The following BCAS3 variants were observed in gnomAD, a reference collection of about 807,000 sequenced individuals.
BCAS3 encodes BCAS4/BCAS3 fusion.
Under a neutral mutation model 116.1 loss-of-function variants are expected in BCAS3, and 53 were observed. The observed-to-expected ratio is 0.46, with a 90% CI of 0.37 to 0.57. BCAS3 has a LOEUF of 0.57. Ranked by LOEUF, BCAS3 falls within the 20% of genes least tolerant of loss-of-function variation. The pLI, the probability that BCAS3 is intolerant of heterozygous loss-of-function variation, is 0.00. For missense variants in BCAS3, 917 were observed against 1,165.4 expected (o/e 0.79, Z 3.10); for synonymous variants, 391 against 408.2 (o/e 0.96, Z 0.51).
At chr17:60,869,348 C>T (rs1229040163) in intron 8 of BCAS3, among the ~76,000 whole-genome samples, 1 of 152,078 alleles carries the variant, frequency 6.6e-6, no homozygotes, top group Admixed American at 6.6e-5. Context: ...AAACTGAAGC[C>T]CTGGGATGGT....
chr17:61,283,080 GT>G (rs200888840), intron 22 of BCAS3, among the ~76,000 whole-genome samples: 1 of 151,272 alleles, frequency 6.6e-6, no homozygotes, highest in South Asian at 2.1e-4. Context: ...AAGTTGTGTT[GT>G]TTTTTTTGCT....
intron 14 of BCAS3, among the ~76,000 whole-genome samples, chr17:60,988,360 T>TTTTTTTTTTG (rs1555651709): frequency 1.6e-4 from 22 of 134,780 alleles, no homozygotes; most frequent in African/African-American, 6.4e-4. Flanking sequence ...TTTTTTTTTT[T>TTTTTTTTTTG]ATGTATGTGT....
In BCAS3 at chr17:61,156,908, A is replaced by C. The variant is rs949349079; in HGVS notation, c.2425+72344A>C. Reference sequence around the variant, plus strand: ...AATATTTGCAATTATTTTTCCTTTGAAACAACACTTAAAAAAAACAAATTC... The same window carrying C: ...AATATTTGCAATTATTTTTCCTTTGCAACAACACTTAAAAAAAACAAATTC... On this transcript the variant is annotated intron_variant, in intron 22 of 23. Transcript: ENST00000407086. The surrounding 1 kb of genome is among the most constrained non-coding windows in gnomAD (Gnocchi z 4.7). Among the ~76,000 whole-genome samples the C allele has an allele frequency of 6.6e-6, 1 of 152,156 alleles. No individual in the cohort carries two copies. The highest frequency in any genetic ancestry group is 1.9e-4 in the East Asian group (1 of 5,200).
In BCAS3 at chr17:61,032,016, A is replaced by G. The variant is rs1474200206; in HGVS notation, c.1638-2650A>G. Among the ~76,000 whole-genome samples the G allele has an allele frequency of 6.6e-6, 1 of 152,136 alleles. No individual in the cohort carries two copies. The highest frequency in any genetic ancestry group is 1.5e-5 in the Non-Finnish European group (1 of 67,988). ...TTTTAGCTTTTGACATGAGCTGATTAGACTCTAAACTAGTAAACATACAAA... is the reference window on the plus strand; with the variant it reads ...TTTTAGCTTTTGACATGAGCTGATTGGACTCTAAACTAGTAAACATACAAA... On this transcript the variant is annotated intron_variant, in intron 16 of 23. Coordinates refer to ENST00000407086, the MANE Select transcript of BCAS3 (RefSeq NM_017679.5). This position sits in a 1 kb window ranked among gnomAD's most constrained non-coding sequence, Gnocchi z 4.6.
chr17:60,921,895 A>T (rs1368392833), intron 12 of BCAS3, among the ~76,000 whole-genome samples: 1 of 152,108 alleles, frequency 6.6e-6, no homozygotes. Flanking sequence ...AAGAAGTATT[A>T]CTGGAGTAAA....
intron 13 of BCAS3, among the ~76,000 whole-genome samples, chr17:60,926,129 A>C: frequency 6.6e-6 from 1 of 152,188 alleles, no homozygotes; most frequent in Non-Finnish European, 1.5e-5. Flanking sequence ...TTTGCATTAT[A>C]AGAAGAACAT....
intron 23 of BCAS3, among the ~76,000 whole-genome samples, chr17:61,386,817 A>C (rs1324487627): frequency 7.8e-6 from 1 of 127,912 alleles, no homozygotes; most frequent in East Asian, 2.4e-4. Flanking sequence ...TTTTTTTGAG[A>C]TGCCAGGCTG....
intron 22 of BCAS3, among the ~76,000 whole-genome samples, chr17:61,319,417 A>T (rs1414054593): frequency 6.6e-6 from 1 of 152,244 alleles, no homozygotes; most frequent in Non-Finnish European, 1.5e-5. Flanking sequence ...TGGGATTAGT[A>T]TGAGGAATAA....
chr17:61,236,743 G>C (rs2083092146), intron 22 of BCAS3, among the ~76,000 whole-genome samples: 1 of 152,000 alleles, frequency 6.6e-6, no homozygotes, highest in African/African-American at 2.4e-5. Context: ...AATGTTGTAA[G>C]TGGAGGGATG....
chr17:61,317,945 A>G (rs1199124104), intron 22 of BCAS3, among the ~76,000 whole-genome samples: 1 of 148,350 alleles, frequency 6.7e-6, no homozygotes, highest in Non-Finnish European at 1.5e-5. Flanking sequence ...GTGGGGGTCC[A>G]GGCAGAGCCT....
intron 22 of BCAS3, among the ~76,000 whole-genome samples, chr17:61,266,956 G>T (rs1372508325): frequency 1.3e-5 from 2 of 152,172 alleles, no homozygotes; most frequent in Non-Finnish European, 2.9e-5. Flanking sequence ...AGTCAAAAGG[G>T]TACCCTCCAT....
intron 7 of BCAS3, among the ~76,000 whole-genome samples, chr17:60,834,716 TG>T (rs753420633): frequency 5.3e-5 from 8 of 151,966 alleles, no homozygotes; most frequent in Non-Finnish European, 8.8e-5. Context: ...AAGTACCCCA[TG>T]TTTTTTTGTT....
chr17:61,061,465 G>A (rs2070026755), intron 19 of BCAS3, among the ~76,000 whole-genome samples: 2 of 152,196 alleles, frequency 1.3e-5, no homozygotes, highest in Non-Finnish European at 2.9e-5. Flanking sequence ...TAGAGCCTTT[G>A]CTATTCAACT....
In BCAS3 at chr17:61,104,016, A is replaced by G. The variant is rs543105227; in HGVS notation, c.2425+19452A>G. ...TAGTGGTTTTAGCTCTTGTTGACCC[A>G]TCTTTAAACCAAAGCTTTATAGCCT... is the stretch of plus-strand genomic sequence containing the variant. On this transcript the variant is annotated intron_variant, in intron 22 of 23. Coordinates refer to ENST00000407086, the MANE Select transcript of BCAS3 (RefSeq NM_017679.5). This position sits in a 1 kb window ranked among gnomAD's most constrained non-coding sequence, Gnocchi z 4.1. 2.0e-5 allele frequency among the ~76,000 whole-genome samples: 3 copies of G among 152,350 alleles called. No individual in the cohort carries two copies. The highest frequency in any genetic ancestry group is 3.9e-4 in the East Asian group (2 of 5,182).
At position 61,376,461 on chromosome 17, in the gene BCAS3, T is replaced by C. The variant is rs1282806720; in HGVS notation, c.2593+7967T>C. 2.0e-5 allele frequency among the ~76,000 whole-genome samples: 3 copies of C among 152,174 alleles called. No homozygotes were observed. The highest frequency in any genetic ancestry group is 7.2e-5 in the African/African-American group (3 of 41,436). On this transcript the variant is annotated intron_variant, in intron 23 of 23. Coordinates refer to ENST00000407086, the MANE Select transcript of BCAS3 (RefSeq NM_017679.5). The surrounding 1 kb of genome is among the most constrained non-coding windows in gnomAD (Gnocchi z 4.5). ...AGCCACTCTATCAGGCAAACTGGTA[T>C]TTACCCCAGATACCCAGGAAGGGTT...
chr17:60,996,315 A>G (rs1256880879), intron 15 of BCAS3, among the ~76,000 whole-genome samples: 1 of 152,174 alleles, frequency 6.6e-6, no homozygotes, highest in Non-Finnish European at 1.5e-5. Context: ...CAGGCAAGAA[A>G]AGATGAGGTT....
At chr17:61,024,901 G>A (rs1237966176) in intron 16 of BCAS3, among the ~76,000 whole-genome samples, 1 of 152,012 alleles carries the variant, frequency 6.6e-6, no homozygotes, top group African/African-American at 2.4e-5. Flanking sequence ...TCAATATGCT[G>A]ATGTTCTGGA....
intron 19 of BCAS3, among the ~76,000 whole-genome samples, chr17:61,045,443 T>G (rs1229658407): frequency 1.3e-5 from 2 of 150,478 alleles, no homozygotes; most frequent in Non-Finnish European, 3.0e-5. Flanking sequence ...CCCAGCAATT[T>G]GAGGTTACAG....
At chr17:60,868,384 CA>C (rs781240051) in intron 7 of BCAS3, among the ~76,000 whole-genome samples, 191 bp from the exon 8 acceptor site, 2 of 151,900 alleles carry the variant, frequency 1.3e-5, no homozygotes, top group Non-Finnish European at 1.5e-5. Context: ...TTTTCTTTGC[CA>C]AATTTTGCAT....
Sources: gnomAD v4.1 joint callset for allele counts (sites outside exome capture counted in the v4.1 genomes callset) on GRCh38, gnomAD v4.1.1 for gene constraint, Gnocchi (gnomAD v3.1) non-coding constraint, MANE v1.5 for transcripts, NCBI Gene and HGNC (gene_info 2026-07-23, HGNC 2026-07-21) for gene names.